SNX10: variants seen among roughly 807,000 people sequenced by gnomAD.
SNX10 encodes sorting nexin-10.
A neutral mutation model predicts 28.5 loss-of-function variants in SNX10; 25 were observed. The ratio of observed to expected loss-of-function variants is 0.88; its 90% CI spans 0.64 to 1.22. The LOEUF (loss-of-function observed/expected upper bound fraction) is 1.22. Ranked by LOEUF, SNX10 falls within the 50% of genes most tolerant of loss-of-function variation. The pLI is 0.00. For missense variants in SNX10, 223 were observed against 242.6 expected, an observed-to-expected ratio of 0.92 and a Z score of 0.54; for synonymous variants, 62 against 81.4, an observed-to-expected ratio of 0.76 and a Z score of 1.28.
rs1334893526 is a variant in SNX10, at chr7:26,309,877, G to A, written c.-24+17791G>A. On this transcript the variant is annotated intron_variant, in intron 1 of 6. Coordinates refer to ENST00000338523, the MANE Select transcript of SNX10 (RefSeq NM_013322.3). ...GTGCCTTTTCCTTATTTGCAAAATTGAAGTAATAATGATACCTGGCCTCTG... is the reference window on the plus strand; with the variant it reads ...GTGCCTTTTCCTTATTTGCAAAATTAAAGTAATAATGATACCTGGCCTCTG... Among the ~76,000 whole-genome samples the A allele has an allele frequency of 1.2e-4, 19 of 152,140 alleles. 1 individual carries two copies. The highest frequency in any genetic ancestry group is 1.1e-3 in the Admixed American group (17 of 15,280).
intron 1 of SNX10, among the ~76,000 whole-genome samples, chr7:26,294,018 C>CTT (rs201186603): frequency 6.6e-6 from 1 of 152,154 alleles, no homozygotes; most frequent in East Asian, 1.9e-4. Context: ...AAAATAACTT[C>CTT]TTTTTTCCGT....
Position 26,361,779 on chromosome 7 carries a change from C to T in SNX10, c.111+718C>T, listed in dbSNP as rs570360459. Among the ~76,000 whole-genome samples the T allele has an allele frequency of 2.0e-5, 3 of 152,326 alleles. No individual in the cohort carries two copies. The South Asian group carries it at 6.2e-4, about 32-fold the overall frequency. ...CACAGACAGTGCATAAATGAATGAG[C>T]ATAATTGTATTCCAATAAAACTTTA... On this transcript the variant is annotated intron_variant, in intron 3 of 6. Coordinates refer to ENST00000338523, the MANE Select transcript of SNX10 (RefSeq NM_013322.3).
At chr7:26,344,565 C>A (rs1485071023) in intron 1 of SNX10, among the ~76,000 whole-genome samples, 1 of 152,156 alleles carries the variant, frequency 6.6e-6, no homozygotes. Context: ...CCTGTGTCCT[C>A]CAGGTTTATC....
intron 1 of SNX10, among the ~76,000 whole-genome samples, chr7:26,305,576 T>G (rs1276406997): frequency 6.6e-6 from 1 of 152,176 alleles, no homozygotes; most frequent in East Asian, 1.9e-4. Context: ...TGGGGTCTCT[T>G]CATCAGCTTG....
At chr7:26,334,527 A>C (rs1787852598) in intron 1 of SNX10, among the ~76,000 whole-genome samples, 1 of 152,258 alleles carries the variant, frequency 6.6e-6, no homozygotes, top group Non-Finnish European at 1.5e-5. Flanking sequence ...GCACTTTTTC[A>C]AAATGACATT....
chr7:26,330,310 G>C (rs536850828), intron 1 of SNX10, among the ~76,000 whole-genome samples: 1 of 152,132 alleles, frequency 6.6e-6, no homozygotes, highest in Non-Finnish European at 1.5e-5. Flanking sequence ...AGGAAATGAG[G>C]GGGAGGAGGT....
intron 2 of SNX10, among the ~76,000 whole-genome samples, chr7:26,354,353 G>C (rs1788734112): frequency 6.6e-6 from 1 of 152,048 alleles, no homozygotes; most frequent in African/African-American, 2.4e-5. Context: ...ATAAGAGTAA[G>C]TGAATGAGTG....
At chr7:26,348,345 C>G (rs1372142617) in intron 2 of SNX10, among the ~76,000 whole-genome samples, 1 of 152,226 alleles carries the variant, frequency 6.6e-6, no homozygotes, top group African/African-American at 2.4e-5. Flanking sequence ...ACAGGACTGC[C>G]CTTGTCTTCA....
intron 2 of SNX10, among the ~76,000 whole-genome samples, chr7:26,348,827 C>T (rs1788489545): frequency 6.6e-6 from 1 of 152,196 alleles, no homozygotes; most frequent in Non-Finnish European, 1.5e-5. Context: ...TGCACTCTGA[C>T]CCCCATGGAC....
chr7:26,329,130 G>T (rs1272573397), intron 1 of SNX10, among the ~76,000 whole-genome samples: 2 of 152,196 alleles, frequency 1.3e-5, no homozygotes, highest in Admixed American at 1.3e-4. Flanking sequence ...TGCTGAAAGT[G>T]CCCCAGTGGC....
chr7:26,364,543 C>T lies in SNX10; in HGVS notation c.120C>T (p.Ser40=). The T allele has an allele frequency of 6.2e-7, 1 of 1,613,110 alleles. No homozygotes were observed. Among genetic ancestry groups the T allele is most frequent in the Non-Finnish European group, 8.5e-7 (1 of 1,179,468 alleles). ...IDYEICIHTN[S]MCFTMKTSCV... is the part of the protein sequence containing the mutation. ...CTACTTTCTCTGTACAGACTAATAGCATGTGTTTTACAATGAAAACATCCT... is the reference window on the plus strand; with the variant it reads ...CTACTTTCTCTGTACAGACTAATAGTATGTGTTTTACAATGAAAACATCCT... Residue 40 remains serine (S), a synonymous_variant, in exon 4 of 7, where the codon AGC becomes AGT. Transcript: ENST00000338523. The surrounding 1 kb of genome is among the most constrained non-coding windows in gnomAD (Gnocchi z 4.9).
rs1486985622 is a variant in SNX10 at position 26,374,038 on chromosome 7, CATT to C, written c.*1470_*1472del. On this transcript the variant is annotated 3_prime_UTR_variant, in exon 7 of 7. Transcript: ENST00000338523. The stretch of plus-strand genomic sequence containing the variant: ...TTTGATTTAATGTGTCTTAGATCCT[CATT>C]ATTTTAATACAGGAAAAGAAAAGAT... The C allele has an allele frequency of 6.6e-6, 1 of 151,802 alleles. No individual in the cohort carries two copies. The highest frequency in any genetic ancestry group is 6.6e-5 in the Admixed American group (1 of 15,256). 9.4% of individuals were successfully genotyped at this position (151,802 alleles called of 1,614,324 possible).
At chr7:26,363,093 CATGG>C (rs780652283) in intron 3 of SNX10, among the ~76,000 whole-genome samples, 5 of 152,202 alleles carry the variant, frequency 3.3e-5, no homozygotes, top group African/African-American at 4.8e-5. Context: ...TCTGGTATAA[CATGG>C]TCTGCAAACC....
intron 2 of SNX10, among the ~76,000 whole-genome samples, chr7:26,358,071 G>T (rs1218546003): frequency 6.6e-6 from 1 of 152,152 alleles, no homozygotes; most frequent in Non-Finnish European, 1.5e-5. Context: ...TGCAGAGAGG[G>T]AAGAAGTTTG....
chr7:26,325,623 A>G (rs1787476060), intron 1 of SNX10, among the ~76,000 whole-genome samples: 1 of 151,852 alleles, frequency 6.6e-6, no homozygotes, highest in Non-Finnish European at 1.5e-5. Flanking sequence ...GCACCCAGCC[A>G]TCAAATATAA....
chr7:26,295,722 A>C (rs1398637425), intron 1 of SNX10, among the ~76,000 whole-genome samples: 1 of 152,220 alleles, frequency 6.6e-6, no homozygotes, highest in Non-Finnish European at 1.5e-5. Context: ...GCATGAGGCC[A>C]GCAAAGCTGC....
rs571188957 is a variant in SNX10 at position 26,314,357 on chromosome 7, C to T, written c.-24+22271C>T. 2.8e-4 allele frequency among the ~76,000 whole-genome samples: 42 copies of T among 150,174 alleles called. 1 individual carries two copies. The highest frequency in any genetic ancestry group is 1.5e-3 in the South Asian group (7 of 4,682). ...ACTGCAACCTCTGCCTCCATTCAAA[C>T]GATTCTCCTGCCTCAGCCTCCCGAG... On this transcript the variant is annotated intron_variant, in intron 1 of 6. Coordinates refer to ENST00000338523, the MANE Select transcript of SNX10 (RefSeq NM_013322.3).
At chr7:26,372,101 G>A (rs1789574119) in intron 6 of SNX10, 68 bp downstream of exon 6, 2 of 1,004,188 alleles carry the variant, frequency 2.0e-6, no homozygotes, top group African/African-American at 1.6e-5. Context: ...ATATGCACGT[G>A]TATAGATATA....
chr7:26,326,230 C>G (rs1270214168), intron 1 of SNX10, among the ~76,000 whole-genome samples: 2 of 152,068 alleles, frequency 1.3e-5, no homozygotes, highest in African/African-American at 4.8e-5. Context: ...AAGGAGAGAA[C>G]TAAATACCTT....
Sources: allele counts gnomAD v4.1 joint callset (sites outside exome capture counted in the v4.1 genomes callset), GRCh38; gene constraint gnomAD v4.1.1; non-coding constraint Gnocchi (gnomAD v3.1); transcripts MANE v1.5; gene names NCBI Gene and HGNC (gene_info 2026-07-23, HGNC 2026-07-21).